The following EPB41 variants were observed in gnomAD, a reference collection of about 807,000 sequenced individuals.
EPB41 encodes erythrocyte membrane protein band 4.1, also known as protein 4.1.
In EPB41, 65 loss-of-function variants were observed where a neutral mutation model predicts 108.0. That is an observed-to-expected ratio of 0.60 (90% confidence interval 0.49 to 0.74). The LOEUF is 0.74. Ranked by LOEUF, EPB41 falls within the 30% of genes least tolerant of loss-of-function variation. The pLI, the probability that EPB41 is intolerant of heterozygous loss-of-function variation, is 0.00. For synonymous variants in EPB41, 336 were observed against 358.9 expected, an observed-to-expected ratio of 0.94 and a Z score of 0.72; for missense variants, 875 against 1,037.0, an observed-to-expected ratio of 0.84 and a Z score of 2.15.
intron 1 of EPB41, among the ~76,000 whole-genome samples, chr1:28,931,170 A>C (rs2093721195): frequency 6.6e-6 from 1 of 152,010 alleles, no homozygotes; most frequent in African/African-American, 2.4e-5. Context: ...AGGCTGACGT[A>C]GGAGGATAGC....
chr1:29,043,005 G>C (rs1283413828), intron 11 of EPB41, among the ~76,000 whole-genome samples: 3 of 152,118 alleles, frequency 2.0e-5, no homozygotes, highest in Non-Finnish European at 4.4e-5. Context: ...TTATTACTTT[G>C]TTCAACAATT....
At chr1:29,056,158 C>T (rs1223649869) in intron 12 of EPB41, among the ~76,000 whole-genome samples, 2 of 146,788 alleles carry the variant, frequency 1.4e-5, no homozygotes, top group Non-Finnish European at 3.0e-5. Flanking sequence ...GGCGTGAACC[C>T]GGGAGGCGGA....
intron 1 of EPB41, among the ~76,000 whole-genome samples, chr1:28,933,555 A>T (rs2093850480): frequency 1.3e-5 from 2 of 152,204 alleles, no homozygotes; most frequent in Non-Finnish European, 2.9e-5. Flanking sequence ...ACCTAGGATG[A>T]CCAGGATTCA....
Position 28,887,282 on chromosome 1 carries a change from C to T in EPB41, c.-8+72C>T. The stretch of plus-strand genomic sequence containing the variant: ...CGGGGTTAGGGACAGAAGAACCTAC[C>T]CCCAAGGGCTCGGACCGTCCCGGGA... On this transcript the variant is annotated intron_variant, in intron 1 of 16. Coordinates refer to the EPB41 transcript ENST00000347529. This position sits in a 1 kb window ranked among gnomAD's most constrained non-coding sequence, Gnocchi z 4.9. 1 of 1,251,788 alleles carries T rather than the reference C, an allele frequency of 8.0e-7. No homozygotes were observed. Among genetic ancestry groups the T allele is most frequent in the Non-Finnish European group, 1.0e-6 (1 of 969,818 alleles). The allele number at this position is 1,251,788 out of a possible 1,614,324, so 77.5% of individuals were successfully genotyped here.
chr1:28,989,198 T>C (rs2095947005), intron 2 of EPB41, among the ~76,000 whole-genome samples: 1 of 152,212 alleles, frequency 6.6e-6, no homozygotes, highest in Non-Finnish European at 1.5e-5. Context: ...GAAGTCTAGC[T>C]CTTTCTATCA....
chr1:28,949,612 AT>A (rs556293621), intron 1 of EPB41, among the ~76,000 whole-genome samples: 88 of 146,136 alleles, frequency 6.0e-4, no homozygotes, highest in African/African-American at 1.9e-3. Context: ...ATTTATTTTT[AT>A]TTTTTTTTTA....
At chr1:29,088,848 G>A (rs777980521) in intron 16 of EPB41, among the ~76,000 whole-genome samples, 3 of 152,194 alleles carry the variant, frequency 2.0e-5, no homozygotes, top group Non-Finnish European at 2.9e-5. Context: ...ACTGGCATGT[G>A]CCTGTAGTCC....
chr1:28,901,131 G>A (rs545494670), intron 1 of EPB41, among the ~76,000 whole-genome samples: 17 of 152,032 alleles, frequency 1.1e-4, no homozygotes, highest in South Asian at 8.3e-4. Context: ...GGGTTTCACT[G>A]TGTTAGCCAG....
intron 2 of EPB41, 24 bp from the exon 3 acceptor site, chr1:28,993,306 C>G (rs1275826477): frequency 1.3e-6 from 2 of 1,589,562 alleles, no homozygotes; most frequent in East Asian, 2.2e-5. Context: ...TTATTACTGA[C>G]TTGGCGATGT....
intron 1 of EPB41, among the ~76,000 whole-genome samples, chr1:28,942,302 C>T (rs569278156): frequency 6.6e-6 from 1 of 152,270 alleles, no homozygotes; most frequent in South Asian, 2.1e-4. Flanking sequence ...CTCAGTCCCA[C>T]AAGACTGTCT....
chr1:28,958,819 C>CAAAAAAAAAAAAAA (rs35105287), intron 1 of EPB41, among the ~76,000 whole-genome samples: 11 of 65,744 alleles, frequency 1.7e-4, no homozygotes, highest in African/African-American at 2.3e-4. Context: ...ACCCTGTCTC[C>CAAAAAAAAAAAAAA]AAAAAAAAAA....
chr1:28,959,212 C>CTTTT (rs34502231), intron 1 of EPB41, among the ~76,000 whole-genome samples: 44 of 97,946 alleles, frequency 4.5e-4, no homozygotes, highest in African/African-American at 5.8e-4. Context: ...AAAGTTTGAT[C>CTTTT]TTTTTTTTTT....
intron 14 of EPB41, among the ~76,000 whole-genome samples, chr1:29,059,434 A>G (rs1558188219): frequency 6.6e-6 from 1 of 152,058 alleles, no homozygotes; most frequent in Non-Finnish European, 1.5e-5. Flanking sequence ...CAATGACATC[A>G]TATTCTTGGA....
At chr1:29,029,380 T>G (rs367822325) in intron 7 of EPB41, among the ~76,000 whole-genome samples, 18 of 145,424 alleles carry the variant, frequency 1.2e-4, no homozygotes, top group African/African-American at 2.2e-4. Context: ...TTTTGGTGGT[T>G]GTTGTTCCAA....
chr1:29,108,353 G>A (rs1279676379), intron 17 of EPB41, among the ~76,000 whole-genome samples: 4 of 151,200 alleles, frequency 2.6e-5, no homozygotes, highest in Non-Finnish European at 5.9e-5. Context: ...TCTCCATGTT[G>A]GTCATTCTGG....
chr1:29,104,542 A>G (rs1666492929), intron 17 of EPB41, among the ~76,000 whole-genome samples: 1 of 151,764 alleles, frequency 6.6e-6, no homozygotes, highest in Non-Finnish European at 1.5e-5. Flanking sequence ...CAGCCTCATG[A>G]GTAGCTAGGA....
chr1:29,092,091 T>G (rs1661418961), intron 16 of EPB41, among the ~76,000 whole-genome samples: 1 of 142,040 alleles, frequency 7.0e-6, no homozygotes, highest in South Asian at 2.2e-4. Flanking sequence ...CCTTCTTACC[T>G]TCTTTTTTTT....
chr1:28,961,005 G>A (rs2095190243), intron 1 of EPB41, among the ~76,000 whole-genome samples: 2 of 145,642 alleles, frequency 1.4e-5, no homozygotes, highest in Admixed American at 7.0e-5. Flanking sequence ...CTGCACTCCA[G>A]CCTGGGCAAC....
chr1:29,103,799 C>T (rs1666229366), intron 17 of EPB41, among the ~76,000 whole-genome samples: 1 of 152,178 alleles, frequency 6.6e-6, no homozygotes, highest in South Asian at 2.1e-4. Context: ...TCCCAAATAG[C>T]TGGGACCACA....
Sources: gnomAD v4.1 joint callset for allele counts (sites outside exome capture counted in the v4.1 genomes callset) on GRCh38, gnomAD v4.1.1 for gene constraint, Gnocchi (gnomAD v3.1) non-coding constraint, MANE v1.5 for transcripts, NCBI Gene and HGNC (gene_info 2026-07-23, HGNC 2026-07-21) for gene names.